The following ABCD2 variants were observed in gnomAD, a reference collection of about 807,000 sequenced individuals.
ABCD2 encodes the protein ATP-binding cassette sub-family D member 2.
A neutral mutation model predicts 70.9 loss-of-function variants in ABCD2; 36 were observed. The observed-to-expected ratio is 0.51, with a 90% confidence interval of 0.39 to 0.67. The LOEUF is 0.67. Ranked by LOEUF, ABCD2 falls within the 30% of genes least tolerant of loss-of-function variation. ABCD2 has a pLI of 0.00. For synonymous variants in ABCD2, 304 were observed against 306.9 expected (o/e 0.99, Z 0.10); for missense variants, 729 against 890.2 (o/e 0.82, Z 2.30).
At chr12:39,592,388 G>A (rs545601245) in intron 6 of ABCD2, among the ~76,000 whole-genome samples, 11 of 152,334 alleles carry the variant, frequency 7.2e-5, no homozygotes, top group Middle Eastern at 6.8e-3. Context: ...CTTGGCAGTA[G>A]AAACCAAATC....
intron 6 of ABCD2, among the ~76,000 whole-genome samples, chr12:39,588,915 C>G (rs1450316978): frequency 6.6e-6 from 1 of 152,104 alleles, no homozygotes; most frequent in Non-Finnish European, 1.5e-5. Flanking sequence ...ACAAGTTGCT[C>G]TATAAAGTAC....
intron 6 of ABCD2, among the ~76,000 whole-genome samples, chr12:39,596,095 GA>G (rs1305776860): frequency 6.6e-6 from 1 of 152,084 alleles, no homozygotes; most frequent in Non-Finnish European, 1.5e-5. Context: ...AGGAGAGTAG[GA>G]AAGAACATTA....
Position 39,553,745 on chromosome 12 carries a change from T to G in ABCD2, c.*167A>C. ...TGACCTTACATAATGCATTTGTTTA[T>G]TTTCTTCTGAAAAGTCAGATCATAT... On this transcript the variant is annotated 3_prime_UTR_variant, in exon 10 of 10. Coordinates refer to ENST00000308666, the MANE Select transcript of ABCD2 (RefSeq NM_005164.4). The G allele has an allele frequency of 1.7e-6, 1 of 599,286 alleles. No individual in the cohort carries two copies. The highest frequency in any genetic ancestry group is 2.2e-5 in the South Asian group (1 of 45,638). 37.1% of individuals were successfully genotyped at this position (599,286 alleles called of 1,614,324 possible). A position where few individuals can be genotyped will look rare whatever the true frequency, so the allele number is the denominator to read the frequency against.
At chr12:39,615,004 C>T (rs1044144981) in intron 2 of ABCD2, among the ~76,000 whole-genome samples, 2 of 151,872 alleles carry the variant, frequency 1.3e-5, no homozygotes, top group Non-Finnish European at 2.9e-5. Flanking sequence ...ATATTTCAAT[C>T]TAAAATTTTA....
intron 9 of ABCD2, among the ~76,000 whole-genome samples, chr12:39,566,536 C>A (rs1941351494): frequency 2.0e-5 from 3 of 152,066 alleles, no homozygotes. Flanking sequence ...CTCTATTAGT[C>A]TTGCTAGCGG....
At chr12:39,575,248 AT>A (rs1479938378) in intron 8 of ABCD2, among the ~76,000 whole-genome samples, 1 of 152,110 alleles carries the variant, frequency 6.6e-6, no homozygotes, top group Non-Finnish European at 1.5e-5. Context: ...AAAATATACC[AT>A]TTTAGAATTA....
chr12:39,575,662 CA>C (rs1459552096), intron 8 of ABCD2, among the ~76,000 whole-genome samples: 1 of 152,154 alleles, frequency 6.6e-6, no homozygotes, highest in Non-Finnish European at 1.5e-5. Context: ...CATCACAATT[CA>C]AACTTTAAAT....
chr12:39,535,868 C>T, the ABCD2 span, among the ~76,000 whole-genome samples: 6 of 152,126 alleles, frequency 3.9e-5, no homozygotes, highest in East Asian at 1.9e-4. Context: ...TGAGGCCAGG[C>T]GCGGTGGCTC....
At chr12:39,549,121 C>A (rs1941054748), downstream of ABCD2, among the ~76,000 whole-genome samples, 1 of 151,848 alleles carries the variant, frequency 6.6e-6, no homozygotes, top group South Asian at 2.1e-4. Flanking sequence ...AGACAACATG[C>A]TAAATACATA....
intron 9 of ABCD2, among the ~76,000 whole-genome samples, chr12:39,561,257 G>A (rs939305030): frequency 6.6e-6 from 1 of 151,340 alleles, no homozygotes; most frequent in Non-Finnish European, 1.5e-5. Context: ...GCTGGGTTTT[G>A]TGGTGGACCC....
chr12:39,566,734 T>A (rs1378731452), intron 9 of ABCD2, among the ~76,000 whole-genome samples: 1 of 152,216 alleles, frequency 6.6e-6, no homozygotes, highest in African/African-American at 2.4e-5. Flanking sequence ...GGGTGTCAAT[T>A]TTAGATCTTT....
chr12:39,606,727 A>T (rs1941974479), intron 3 of ABCD2, among the ~76,000 whole-genome samples: 1 of 152,216 alleles, frequency 6.6e-6, no homozygotes, highest in Non-Finnish European at 1.5e-5. Flanking sequence ...TAGAATTTAT[A>T]TTGATATGAT....
intron 9 of ABCD2, among the ~76,000 whole-genome samples, chr12:39,554,735 A>G (rs913598130): frequency 6.6e-6 from 1 of 152,196 alleles, no homozygotes; most frequent in Non-Finnish European, 1.5e-5. Context: ...TCACAGAGGT[A>G]CAGAGATTAT....
At chr12:39,605,933 C>G (rs573699836) in intron 3 of ABCD2, among the ~76,000 whole-genome samples, 1 of 152,254 alleles carries the variant, frequency 6.6e-6, no homozygotes, top group Admixed American at 6.5e-5. Context: ...CACATCTCTA[C>G]TGAGAGATCT....
intron 9 of ABCD2, among the ~76,000 whole-genome samples, chr12:39,555,731 C>G (rs1941155051): frequency 6.6e-6 from 1 of 152,180 alleles, no homozygotes; most frequent in South Asian, 2.1e-4. Flanking sequence ...GACTGAGCCT[C>G]TGAACCTGCC....
chr12:39,535,255 G>A, the ABCD2 span, among the ~76,000 whole-genome samples: 1 of 152,134 alleles, frequency 6.6e-6, no homozygotes, highest in African/African-American at 2.4e-5. Flanking sequence ...ACTTTAAAAA[G>A]CATCTAATCT....
At chr12:39,594,736 G>C (rs763509950) in intron 6 of ABCD2, among the ~76,000 whole-genome samples, 15 of 152,164 alleles carry the variant, frequency 9.9e-5, no homozygotes, top group Non-Finnish European at 1.8e-4. Context: ...CACTTTGGGA[G>C]GCCAAGGCGG....
At chr12:39,582,947 C>G (rs1836135873) in intron 7 of ABCD2, among the ~76,000 whole-genome samples, 1 of 151,702 alleles carries the variant, frequency 6.6e-6, no homozygotes, top group Admixed American at 6.6e-5. Flanking sequence ...CCAACCTTGA[C>G]TTTGCGGGCT....
Position 39,550,186 on chromosome 12 carries a change from C to T in ABCD2, c.*3726G>A, listed in dbSNP as rs761910525. On this transcript the variant is annotated 3_prime_UTR_variant, in exon 10 of 10. Transcript: ENST00000308666. ...CTATAGTTCTACACACGGTTATATA[C>T]AATACAATGTCTAAGTAAGGCGTAT... 1 of 151,626 alleles carries T rather than the reference C, an allele frequency of 6.6e-6. No individual in the cohort carries two copies. Among genetic ancestry groups the T allele is most frequent in the African/African-American group, 2.4e-5 (1 of 41,362 alleles). 9.4% of individuals were successfully genotyped at this position (151,626 alleles called of 1,614,324 possible). A position where few individuals can be genotyped will look rare whatever the true frequency, so the allele number is the denominator to read the frequency against.
Sources: allele counts gnomAD v4.1 joint callset (sites outside exome capture counted in the v4.1 genomes callset), GRCh38; gene constraint gnomAD v4.1.1; transcripts MANE v1.5; gene names NCBI Gene and HGNC (gene_info 2026-07-23, HGNC 2026-07-21).